The following RGS14 variants were observed in gnomAD, a reference collection of about 807,000 sequenced individuals.
The protein encoded by RGS14 is regulator of G-protein signaling 14.
In RGS14, 33 loss-of-function variants were observed where a neutral mutation model predicts 63.8. The observed-to-expected ratio is 0.52, with a 90% CI of 0.39 to 0.69. RGS14 has a LOEUF of 0.69. Ranked by LOEUF, RGS14 falls within the 30% of genes least tolerant of loss-of-function variation. The pLI is 0.00. For missense variants in RGS14, 739 were observed against 742.9 expected (o/e 0.99, Z 0.06); for synonymous variants, 296 against 320.9 (o/e 0.92, Z 0.83).
intron 3 of RGS14, 48 bp from the exon 4 acceptor site, chr5:177,366,660 C>A: frequency 6.4e-7 from 1 of 1,569,534 alleles, no homozygotes; most frequent in South Asian, 1.1e-5. Flanking sequence ...CCAGTTTGGT[C>A]TCTGTGTCTC....
chr5:177,369,283 AC>A (rs1186909497), intron 9 of RGS14, among the ~76,000 whole-genome samples: 2 of 152,204 alleles, frequency 1.3e-5, no homozygotes, highest in Non-Finnish European at 2.9e-5. Flanking sequence ...CTCTAGGGGC[AC>A]CCAAGTGCAC....
In RGS14 at chr5:177,370,625, C is replaced by T. The variant is rs763905228; in HGVS notation, c.1088C>T (p.Ala363Val). ...CTGGATCAGGACTGCACCGTGCTGGCGGATCAGGAAGTGCGGCTGGAAAAC... is the reference window on the plus strand; with the variant it reads ...CTGGATCAGGACTGCACCGTGCTGGTGGATCAGGAAGTGCGGCTGGAAAAC... The part of the protein sequence containing the change: ...LVLDQDCTVL[A>V]DQEVRLENRI... Residue 363 changes from alanine to valine, a missense_variant, in exon 10 of 15, where the codon GCG becomes GTG. By Grantham distance (64) the Ala-to-Val change is moderately conservative. Transcript: ENST00000408923. 83 of 1,613,968 alleles carry T rather than the reference C, an allele frequency of 5.1e-5. No individual in the cohort carries two copies. In the Admixed American group the frequency reaches 1.3e-3, roughly 26 times the overall value.
Position 177,371,076 on chromosome 5 carries a change from G to A in RGS14, c.1254+45G>A, listed in dbSNP as rs1477153387. ...GGCGGGGCGGGGCGGGGCCGGGCCGGGGCCGGGGCCGGGGCCGGGGCCGGG... is the reference window on the plus strand; with the variant it reads ...GGCGGGGCGGGGCGGGGCCGGGCCGAGGCCGGGGCCGGGGCCGGGGCCGGG... On this transcript the variant is annotated intron_variant, in intron 11 of 14. Coordinates refer to ENST00000408923, the MANE Select transcript of RGS14 (RefSeq NM_006480.5). The surrounding 1 kb of genome is among the most constrained non-coding windows in gnomAD (Gnocchi z 6.1). 1 of 248,688 alleles carries A rather than the reference G, an allele frequency of 4.0e-6. No homozygotes were observed. Among genetic ancestry groups the A allele is most frequent in the Non-Finnish European group, 4.6e-6 (1 of 215,970 alleles). The allele number at this position is 248,688 out of a possible 1,614,324, so 15.4% of individuals were successfully genotyped here.
At chr5:177,368,068 C>A in intron 7 of RGS14, 89 bp from the exon 8 acceptor site, 1 of 1,540,266 alleles carries the variant, frequency 6.5e-7, no homozygotes. Flanking sequence ...AGGATGGCTC[C>A]AAACAAGGCC....
intron 2 of RGS14, 33 bp downstream of exon 2, chr5:177,366,017 G>T (rs1035143451): frequency 1.1e-5 from 17 of 1,612,394 alleles, no homozygotes; most frequent in Non-Finnish European, 1.4e-5. Flanking sequence ...AACTGGCTGA[G>T]TGGGAGGGAG....
In RGS14 at chr5:177,366,318, G is replaced by C; in HGVS notation, c.209G>C (p.Arg70Pro). Residue 70 changes from arginine (R) to proline (P), a missense_variant, in exon 3 of 15, where the codon CGG (arginine) becomes CCG (proline). Coordinates refer to ENST00000408923, the MANE Select transcript of RGS14 (RefSeq NM_006480.5). ...GCCAGCTGGGCCCTGTCCTTCGAGC[G>C]GCTGTTGCAGGACCCGCTGGGCCTG... ...PVASWALSFE[R>P]LLQDPLGLAY... 6.4e-7 allele frequency: 1 copy of C among 1,552,694 alleles called. No individual in the cohort carries two copies. Among genetic ancestry groups the C allele is most frequent in the Non-Finnish European group, 8.7e-7 (1 of 1,148,856 alleles).
Position 177,359,227 on chromosome 5 carries a change from C to T in RGS14, c.45+1158C>T, listed in dbSNP as rs1010868133. On this transcript the variant is annotated intron_variant, in intron 1 of 14. Coordinates refer to ENST00000408923, the MANE Select transcript of RGS14 (RefSeq NM_006480.5). The surrounding 1 kb of genome is among the most constrained non-coding windows in gnomAD (Gnocchi z 4.4). ...CTCTTCTTCTTCCAGCATCTCTTTCCTGCCCAGCCCCGGGCTGGCCGGCTG... is the reference window on the plus strand; with the variant it reads ...CTCTTCTTCTTCCAGCATCTCTTTCTTGCCCAGCCCCGGGCTGGCCGGCTG... Among the ~76,000 whole-genome samples the T allele has an allele frequency of 6.6e-6, 1 of 152,126 alleles. No homozygotes were observed. The highest frequency in any genetic ancestry group is 2.4e-5 in the African/African-American group (1 of 41,410).
chr5:177,368,784 T>G lies in RGS14; in HGVS notation c.917T>G (p.Val306Gly). Reference protein sequence around the residue: ...SESRPGKYCCVYLPDGTASLA... With the variant: ...SESRPGKYCCGYLPDGTASLA... The stretch of plus-strand genomic sequence containing the variant: ...AGCCGGCCAGGGAAGTACTGCTGTG[T>G]GTACCTGCCCGATGGCACAGCCTCC... Residue 306 changes from valine to glycine, a missense_variant, in exon 9 of 15, where the codon GTG becomes GGG. Transcript: ENST00000408923. 1 of 1,614,256 alleles carries G rather than the reference T, an allele frequency of 6.2e-7. No homozygotes were observed. Among genetic ancestry groups the G allele is most frequent in the Non-Finnish European group, 8.5e-7 (1 of 1,180,044 alleles).
Position 177,359,814 on chromosome 5 carries a change from G to A in RGS14, c.45+1745G>A, listed in dbSNP as rs576127844. ...AGACAGGCACTGGGATCTGAGGTGC[G>A]GATGTGGATGGAGGGGCGCCTGGGG... On this transcript the variant is annotated intron_variant, in intron 1 of 14. Transcript: ENST00000408923. This position sits in a 1 kb window ranked among gnomAD's most constrained non-coding sequence, Gnocchi z 4.4. 1.3e-5 allele frequency among the ~76,000 whole-genome samples: 2 copies of A among 152,354 alleles called. No individual in the cohort carries two copies. The highest frequency in any genetic ancestry group is 2.9e-5 in the Non-Finnish European group (2 of 68,036).
Position 177,366,768 on chromosome 5 carries a change from T to TTCCAGCAGA in RGS14, c.311_319dup (p.Gln104_Ile106dup). The stretch of plus-strand genomic sequence containing the variant: ...GACTTTCTGGAAGGCCTGCGAGCGC[T>TTCCAGCAGA]TCCAGCAGATCCCGGCCAGCGATAC... On this transcript the variant is annotated inframe_insertion, in exon 4 of 15. Coordinates refer to ENST00000408923, the MANE Select transcript of RGS14 (RefSeq NM_006480.5). The TTCCAGCAGA allele has an allele frequency of 1.2e-6, 2 of 1,614,130 alleles. No individual in the cohort carries two copies. Among genetic ancestry groups the TTCCAGCAGA allele is most frequent in the Non-Finnish European group, 1.7e-6 (2 of 1,180,014 alleles).
At chr5:177,360,468 G>T (rs939505307) in intron 1 of RGS14, among the ~76,000 whole-genome samples, 10 of 151,422 alleles carry the variant, frequency 6.6e-5, no homozygotes, top group African/African-American at 2.4e-4. Context: ...GGAAACTGAG[G>T]TGGGAGGATC....
At position 177,370,593 on chromosome 5, in the gene RGS14, C is replaced by T. The variant is rs889480883; in HGVS notation, c.1056C>T (p.Ala352=). The change falls in exon 10 of 15, where the codon GCC becomes GCT. Residue 352 remains alanine, a splice_region_variant and synonymous_variant. Coordinates refer to ENST00000408923, the MANE Select transcript of RGS14 (RefSeq NM_006480.5). ...IKVYLVGNEQ[A]LVLDQDCTVL... ...ACCCTGCCTGGCATCCACAGAAGGC[C>T]CTGGTCCTGGATCAGGACTGCACCG... 1 of 1,613,848 alleles carries T rather than the reference C, an allele frequency of 6.2e-7. No individual in the cohort carries two copies. Among genetic ancestry groups the T allele is most frequent in the African/African-American group, 1.3e-5 (1 of 74,906 alleles).
rs1380959018 is a variant in RGS14, at chr5:177,364,365, G to T, written c.46-1598G>T. Among the ~76,000 whole-genome samples, 1 of 152,208 alleles carries T rather than the reference G, an allele frequency of 6.6e-6. No homozygotes were observed. The highest frequency in any genetic ancestry group is 1.5e-5 in the Non-Finnish European group (1 of 68,040). On this transcript the variant is annotated intron_variant, in intron 1 of 14. Coordinates refer to ENST00000408923, the MANE Select transcript of RGS14 (RefSeq NM_006480.5). This position sits in a 1 kb window ranked among gnomAD's most constrained non-coding sequence, Gnocchi z 4.6. ...AGCCCGGGTGATGGGAAGAAAGATGGGGGCAGGGAAGCTGGTTTGGTACTG... is the reference window on the plus strand; with the variant it reads ...AGCCCGGGTGATGGGAAGAAAGATGTGGGCAGGGAAGCTGGTTTGGTACTG...
At chr5:177,366,668 C>A in intron 3 of RGS14, 40 bp from the exon 4 acceptor site, 1 of 1,592,172 alleles carries the variant, frequency 6.3e-7, no homozygotes, top group Non-Finnish European at 8.6e-7. Flanking sequence ...GTCTCTGTGT[C>A]TCTGAGTCTC....
In RGS14 at chr5:177,358,971, C is replaced by T. The variant is rs927732926; in HGVS notation, c.45+902C>T. 2.6e-5 allele frequency among the ~76,000 whole-genome samples: 4 copies of T among 152,200 alleles called. No homozygotes were observed. The highest frequency in any genetic ancestry group is 5.9e-5 in the Non-Finnish European group (4 of 68,034). ...ACTGGAGGGAGGGTCCTCGCCAGCT[C>T]TCAGTTTCCTCATCCCTAAAATGAG... On this transcript the variant is annotated intron_variant, in intron 1 of 14. Coordinates refer to ENST00000408923, the MANE Select transcript of RGS14 (RefSeq NM_006480.5). The surrounding 1 kb of genome is among the most constrained non-coding windows in gnomAD (Gnocchi z 4.8).
In RGS14 at chr5:177,371,806, G is replaced by A; in HGVS notation, c.1499-67G>A. On this transcript the variant is annotated intron_variant, in intron 14 of 14. Transcript: ENST00000408923. This position sits in a 1 kb window ranked among gnomAD's most constrained non-coding sequence, Gnocchi z 6.1. ...AGGCAGTGGCCACAGTAAGGCAGTG[G>A]GACTATCGTGGGCTGGCATATAGGC... The A allele has an allele frequency of 6.6e-7, 1 of 1,506,788 alleles. No individual in the cohort carries two copies. The highest frequency in any genetic ancestry group is 9.1e-7 in the Non-Finnish European group (1 of 1,102,714). The allele number at this position is 1,506,788 out of a possible 1,614,324, so 93.3% of individuals were successfully genotyped here.
In RGS14 at chr5:177,371,145, C is replaced by G. The variant is rs1762256342; in HGVS notation, c.1255-20C>G. 6.2e-7 allele frequency: 1 copy of G among 1,604,708 alleles called. No individual in the cohort carries two copies. The highest frequency in any genetic ancestry group is 8.5e-7 in the Non-Finnish European group (1 of 1,176,868). On this transcript the variant is annotated intron_variant, in intron 11 of 14. Transcript: ENST00000408923. This position sits in a 1 kb window ranked among gnomAD's most constrained non-coding sequence, Gnocchi z 6.1. Reference sequence around the variant, plus strand: ...GCCGGGCGGAGGCCTGTACCGCGGGCTGCTGACCTCTCCCCACAGCCAGGC... The same window carrying G: ...GCCGGGCGGAGGCCTGTACCGCGGGGTGCTGACCTCTCCCCACAGCCAGGC...
chr5:177,366,259 C>CA lies in RGS14; in HGVS notation c.151dup (p.Ser51LysfsTer33). 6.3e-7 allele frequency: 1 copy of CA among 1,582,546 alleles called. No individual in the cohort carries two copies. Among genetic ancestry groups the CA allele is most frequent in the Non-Finnish European group, 8.6e-7 (1 of 1,165,302 alleles). On this transcript the variant is annotated frameshift_variant, in exon 3 of 15. Coordinates refer to ENST00000408923, the MANE Select transcript of RGS14 (RefSeq NM_006480.5). LOFTEE classifies it high-confidence loss of function. ...GCATCCACAGCCTCCCCAGTGGTCC[C>CA]AGCAGCCCCTTCCCAACCGAGGAGC...
At chr5:177,370,720 T>C (rs1762219589) in intron 10 of RGS14, 56 bp downstream of exon 10, 3 of 1,590,156 alleles carry the variant, frequency 1.9e-6, no homozygotes, top group Non-Finnish European at 1.7e-6. Flanking sequence ...CTTCAGGCCC[T>C]GTTCTAGCTA....
Sources: allele counts gnomAD v4.1 joint callset (sites outside exome capture counted in the v4.1 genomes callset), GRCh38; gene constraint gnomAD v4.1.1; non-coding constraint Gnocchi (gnomAD v3.1); transcripts MANE v1.5; gene names NCBI Gene and HGNC (gene_info 2026-07-23, HGNC 2026-07-21).